KLHL2: variants seen among roughly 807,000 people sequenced by gnomAD.
KLHL2 encodes the protein kelch like family member 2, also known as kelch-like protein 2.
KLHL2 carries 15 observed loss-of-function variants against 75.8 expected under a neutral mutation model. The observed-to-expected ratio is 0.20, with a 90% confidence interval of 0.13 to 0.30. The LOEUF (loss-of-function observed/expected upper bound fraction) is 0.30, where lower values mean the gene tolerates loss of function less well. Among genes scored for constraint, KLHL2 ranks in the 10% least tolerant of loss-of-function variants. KLHL2 has a pLI of 1.00. For synonymous variants in KLHL2, 214 were observed against 251.9 expected (o/e 0.85, Z 1.42); for missense variants, 381 against 741.0 (o/e 0.51, Z 5.64).
chr4:165,209,728 T>G (rs1737073423), intron 1 of KLHL2, among the ~76,000 whole-genome samples: 1 of 152,236 alleles, frequency 6.6e-6, no homozygotes, highest in Admixed American at 6.5e-5. Flanking sequence ...TTGTTAAAAC[T>G]CCTTTCAATC....
At chr4:165,284,197 T>C (rs1743912240) in intron 5 of KLHL2, among the ~76,000 whole-genome samples, 1 of 152,250 alleles carries the variant, frequency 6.6e-6, no homozygotes, top group Non-Finnish European at 1.5e-5. Flanking sequence ...TTGTAACTTA[T>C]GCAAATTTCT....
chr4:165,302,027 G>C (rs1214950380), intron 8 of KLHL2, among the ~76,000 whole-genome samples: 1 of 152,130 alleles, frequency 6.6e-6, no homozygotes, highest in African/African-American at 2.4e-5. Flanking sequence ...TCCTATAGCT[G>C]TGTTATACTT....
chr4:165,242,139 A>G (rs1227355978), intron 4 of KLHL2, among the ~76,000 whole-genome samples: 1 of 152,200 alleles, frequency 6.6e-6, no homozygotes, highest in Non-Finnish European at 1.5e-5. Flanking sequence ...AAGGAGAACC[A>G]ATATTTTACC....
intron 4 of KLHL2, among the ~76,000 whole-genome samples, chr4:165,256,101 A>C (rs914366492): frequency 6.6e-6 from 1 of 152,094 alleles, no homozygotes; most frequent in Non-Finnish European, 1.5e-5. Context: ...GGATGAAAGC[A>C]TCTTTACAAT....
At chr4:165,259,815 T>G (rs1741497149) in intron 4 of KLHL2, among the ~76,000 whole-genome samples, 1 of 152,220 alleles carries the variant, frequency 6.6e-6, no homozygotes, top group East Asian at 1.9e-4. Context: ...GCTGACCAAT[T>G]TGATTATATC....
chr4:165,306,364 T>C (rs1745729678), intron 9 of KLHL2, among the ~76,000 whole-genome samples: 1 of 152,226 alleles, frequency 6.6e-6, no homozygotes, highest in African/African-American at 2.4e-5. Flanking sequence ...GTCTAGTGTT[T>C]TATTTTGGTC....
intron 5 of KLHL2, among the ~76,000 whole-genome samples, chr4:165,276,125 CAACAAT>C (rs1743074257): frequency 6.6e-6 from 1 of 152,130 alleles, no homozygotes; most frequent in Non-Finnish European, 1.5e-5. Flanking sequence ...GACTCCATCT[CAACAAT>C]AACAACAACA....
At chr4:165,292,206 C>A (rs1256328813) in intron 5 of KLHL2, among the ~76,000 whole-genome samples, 1 of 152,128 alleles carries the variant, frequency 6.6e-6, no homozygotes, top group Non-Finnish European at 1.5e-5. Context: ...TATTTCAGTG[C>A]AATACCTTGC....
chr4:165,282,508 G>C (rs764869248), intron 5 of KLHL2, among the ~76,000 whole-genome samples: 1 of 152,144 alleles, frequency 6.6e-6, no homozygotes, highest in Non-Finnish European at 1.5e-5. Context: ...TCAGACCATA[G>C]CTGTGAAATT....
chr4:165,251,641 GCT>G (rs1261602284), intron 4 of KLHL2, among the ~76,000 whole-genome samples: 1 of 131,726 alleles, frequency 7.6e-6, no homozygotes, highest in Non-Finnish European at 1.6e-5. Flanking sequence ...ACGGAGTCTC[GCT>G]CTGTCGCCCA....
chr4:165,307,143 AC>A (rs1745796203), intron 9 of KLHL2, among the ~76,000 whole-genome samples: 1 of 152,136 alleles, frequency 6.6e-6, no homozygotes, highest in Non-Finnish European at 1.5e-5. Context: ...CCCCTTCTCT[AC>A]TAAAAATACA....
At chr4:165,308,198 C>T (rs1461442863) in intron 9 of KLHL2, among the ~76,000 whole-genome samples, 2 of 152,088 alleles carry the variant, frequency 1.3e-5, no homozygotes, top group African/African-American at 4.8e-5. Flanking sequence ...TGTTTCTTGG[C>T]AAGTTTATTT....
In KLHL2 at chr4:165,294,272, A is replaced by T. The variant is rs141025456; in HGVS notation, c.545-87A>T. ...GGTTTTCTCATTCTTAAGTTAGATT[A>T]AATTAAGAAAAACCTTTTTTAAGCA... On this transcript the variant is annotated intron_variant, in intron 5 of 14. Transcript: ENST00000226725. The T allele has an allele frequency of 3.5e-5, 26 of 745,592 alleles. No homozygotes were observed. The African/African-American group carries it at 4.2e-4, about 12-fold the overall frequency. 46.2% of individuals were successfully genotyped at this position (745,592 alleles called of 1,614,324 possible). A position where few individuals can be genotyped will look rare whatever the true frequency, so the allele number is the denominator to read the frequency against.
chr4:165,219,851 G>T, intron 1 of KLHL2, 83 bp from the exon 2 acceptor site: 1 of 1,392,738 alleles, frequency 7.2e-7, no homozygotes, highest in Admixed American at 2.7e-5. Flanking sequence ...GACATTCATT[G>T]TCTCTCTTGT....
chr4:165,300,905 A>G (rs542535535), intron 8 of KLHL2, among the ~76,000 whole-genome samples: 1 of 152,064 alleles, frequency 6.6e-6, no homozygotes, highest in South Asian at 2.1e-4. Flanking sequence ...TCTAAGTTTT[A>G]CTTTGGAGTC....
intron 11 of KLHL2, among the ~76,000 whole-genome samples, chr4:165,312,134 A>G (rs749783584): frequency 1.1e-4 from 17 of 152,130 alleles, no homozygotes; most frequent in Non-Finnish European, 2.2e-4. Flanking sequence ...TCTGACAGGA[A>G]GTAGAGCTCA....
chr4:165,317,630 G>T (rs1167505942), intron 13 of KLHL2, among the ~76,000 whole-genome samples, 196 bp from the exon 14 acceptor site: 1 of 152,198 alleles, frequency 6.6e-6, no homozygotes, highest in East Asian at 1.9e-4. Context: ...CTTCCAAAGT[G>T]CTGGGATTAC....
At chr4:165,273,798 A>G (rs961563140) in intron 5 of KLHL2, among the ~76,000 whole-genome samples, 14 of 152,210 alleles carry the variant, frequency 9.2e-5, no homozygotes, top group East Asian at 1.9e-4. Context: ...CTAATACGCA[A>G]TTGTTCCTCA....
chr4:165,296,076 A>G (rs1425799227), intron 6 of KLHL2, among the ~76,000 whole-genome samples: 1 of 152,214 alleles, frequency 6.6e-6, no homozygotes, highest in Admixed American at 6.5e-5. Flanking sequence ...ATGCAGAACA[A>G]TAGGGACAGC....
Sources: gnomAD v4.1 joint callset for allele counts (sites outside exome capture counted in the v4.1 genomes callset) on GRCh38, gnomAD v4.1.1 for gene constraint, MANE v1.5 for transcripts, NCBI Gene and HGNC (gene_info 2026-07-23, HGNC 2026-07-21) for gene names.